GRM5: variants seen among roughly 807,000 people sequenced by gnomAD.
GRM5 encodes the protein metabotropic glutamate receptor 5.
A neutral mutation model predicts 83.1 loss-of-function variants in GRM5; 19 were observed. That is an observed-to-expected ratio of 0.23 (90% CI 0.16 to 0.34). The LOEUF is 0.34. Ranked by LOEUF, GRM5 falls within the 10% of genes least tolerant of loss-of-function variation. The probability of loss-of-function intolerance (pLI) is 1.00; values close to 1 mark genes in which losing one functional copy is unlikely to be tolerated. For synonymous variants in GRM5, 675 were observed against 633.6 expected (o/e 1.07, Z -0.98); for missense variants, 1,160 against 1,588.3 (o/e 0.73, Z 4.58).
chr11:88,824,809 G>T (rs1003014838), intron 3 of GRM5, among the ~76,000 whole-genome samples: 4 of 152,006 alleles, frequency 2.6e-5, no homozygotes, highest in African/African-American at 9.7e-5. Context: ...TAATTTACCA[G>T]TACCTACATA....
chr11:88,647,948 A>T (rs1939509630), intron 4 of GRM5, among the ~76,000 whole-genome samples: 1 of 150,144 alleles, frequency 6.7e-6, no homozygotes, highest in Non-Finnish European at 1.5e-5. Context: ...TCAAAACCAC[A>T]ATGAGATGCC....
intron 3 of GRM5, among the ~76,000 whole-genome samples, chr11:88,808,609 T>C (rs1943537999): frequency 2.6e-5 from 4 of 152,042 alleles, no homozygotes; most frequent in Admixed American, 2.6e-4. Context: ...AGCCACATTG[T>C]AACATAGTGA....
At position 88,850,154 on chromosome 11, in the gene GRM5, G is replaced by A. The variant is rs375598802; in HGVS notation, c.663C>T (p.Gly221=). 2 of 1,252,440 alleles carry A rather than the reference G, an allele frequency of 1.6e-6. No individual in the cohort carries two copies. Among genetic ancestry groups the A allele is most frequent in the East Asian group, 2.3e-5 (1 of 43,124 alleles). The allele number at this position is 1,252,440 out of a possible 1,614,324, so 77.6% of individuals were successfully genotyped here. A position where few individuals can be genotyped will look rare whatever the true frequency, so the allele number is the denominator to read the frequency against. ...CTTCCATCCCACTTTCTCCATAGTTGCCTGTGTGAAAACATAGATAAGCAG... is the reference window on the plus strand; with the variant it reads ...CTTCCATCCCACTTTCTCCATAGTTACCTGTGTGAAAACATAGATAAGCAG... ...WTYVSAVHTE[G]NYGESGMEAF... is the part of the protein sequence containing the mutation. Residue 221 remains glycine, a splice_region_variant and synonymous_variant, in exon 3 of 10, where the codon GGC becomes GGT. Coordinates refer to ENST00000305447, the MANE Select transcript of GRM5 (RefSeq NM_001143831.3).
intron 8 of GRM5, among the ~76,000 whole-genome samples, chr11:88,550,534 C>T (rs1942482364): frequency 6.6e-6 from 1 of 152,132 alleles, no homozygotes; most frequent in Non-Finnish European, 1.5e-5. Flanking sequence ...CTTAAATGTG[C>T]TTCTTGTGTA....
At chr11:88,811,345 T>C (rs1200467449) in intron 3 of GRM5, among the ~76,000 whole-genome samples, 3 of 152,186 alleles carry the variant, frequency 2.0e-5, no homozygotes, top group Middle Eastern at 6.8e-3. Context: ...ATCTAAAATA[T>C]AAGGAAACAA....
At chr11:88,510,620 G>GA (rs1941339930) in intron 9 of GRM5, among the ~76,000 whole-genome samples, 1 of 152,158 alleles carries the variant, frequency 6.6e-6, no homozygotes, top group Non-Finnish European at 1.5e-5. Flanking sequence ...GGATTCAAGC[G>GA]AATCTCCTGC....
At chr11:88,568,997 A>C (rs528651489) in intron 7 of GRM5, among the ~76,000 whole-genome samples, 1 of 152,346 alleles carries the variant, frequency 6.6e-6, no homozygotes, top group Admixed American at 6.5e-5. Context: ...TAGTGACAGA[A>C]TATAGCATCA....
intron 8 of GRM5, among the ~76,000 whole-genome samples, chr11:88,555,714 A>G (rs1201988619): frequency 6.6e-6 from 1 of 152,190 alleles, no homozygotes; most frequent in African/African-American, 2.4e-5. Flanking sequence ...GGCTAGGCAC[A>G]AAGCTTATGC....
At chr11:88,887,858 C>A (rs1399287110) in intron 2 of GRM5, among the ~76,000 whole-genome samples, 3 of 152,094 alleles carry the variant, frequency 2.0e-5, no homozygotes, top group South Asian at 4.1e-4. Context: ...TAGATCCTTG[C>A]AAGCACTGCA....
intron 8 of GRM5, among the ~76,000 whole-genome samples, chr11:88,534,972 T>C (rs954423348): frequency 6.6e-6 from 1 of 152,176 alleles, no homozygotes; most frequent in African/African-American, 2.4e-5. Flanking sequence ...GCCATCCTTG[T>C]AAGATGGGAC....
chr11:88,727,689 C>G (rs886104412), intron 3 of GRM5, among the ~76,000 whole-genome samples: 1 of 152,230 alleles, frequency 6.6e-6, no homozygotes, highest in Non-Finnish European at 1.5e-5. Flanking sequence ...CAAACAGTCT[C>G]TCAGACCACA....
At chr11:88,734,491 AC>A (rs1403706271) in intron 3 of GRM5, among the ~76,000 whole-genome samples, 1 of 151,936 alleles carries the variant, frequency 6.6e-6, no homozygotes. Context: ...AAAGAGACCC[AC>A]CCTCCCATGT....
chr11:88,682,560 AT>A (rs67179003), intron 3 of GRM5, among the ~76,000 whole-genome samples: 2,819 of 147,438 alleles, frequency 0.019, 66 homozygotes, highest in East Asian at 0.098. Flanking sequence ...CAACTGAAAC[AT>A]TTTTTTTTTT....
At chr11:88,972,279 A>G (rs572807254) in intron 2 of GRM5, among the ~76,000 whole-genome samples, 1 of 152,226 alleles carries the variant, frequency 6.6e-6, no homozygotes, top group South Asian at 2.1e-4. Context: ...CCACACAGAA[A>G]CATTTCAAGT....
intron 2 of GRM5, among the ~76,000 whole-genome samples, chr11:89,032,854 C>A (rs1486600857): frequency 1.3e-5 from 2 of 152,042 alleles, no homozygotes; most frequent in Admixed American, 1.3e-4. Flanking sequence ...TCTGTCCCTT[C>A]CAGATCTGAA....
intron 1 of GRM5, among the ~76,000 whole-genome samples, chr11:89,049,281 C>A (rs903140256): frequency 6.6e-6 from 1 of 152,090 alleles, no homozygotes; most frequent in Non-Finnish European, 1.5e-5. Context: ...AATTTAAATT[C>A]CTGGGAAGAA....
intron 2 of GRM5, among the ~76,000 whole-genome samples, chr11:88,915,412 T>G (rs2135618360): frequency 6.6e-6 from 1 of 152,214 alleles, no homozygotes; most frequent in Non-Finnish European, 1.5e-5. Context: ...CATATTAGAA[T>G]AAATTAGTGG....
At chr11:88,612,926 G>T (rs1295609927) in intron 4 of GRM5, 1 of 152,150 alleles carries the variant, frequency 6.6e-6, no homozygotes, top group Non-Finnish European at 1.5e-5. Context: ...AGAATTTTTT[G>T]ATTTCTGCTT....
chr11:89,047,810 C>T lies in GRM5; in HGVS notation c.63G>A (p.Gln21=). The T allele has an allele frequency of 6.2e-7, 1 of 1,613,894 alleles. No individual in the cohort carries two copies. The highest frequency in any genetic ancestry group is 8.5e-7 in the Non-Finnish European group (1 of 1,179,782). The part of the protein sequence containing the change: ...LLKEDVRGSA[Q]SSERRVVAHM... ...GAGCCACCACCCTCCTCTCACTGGACTGTGCACTCCCACGGACATCTTCTT... is the reference window on the plus strand; with the variant it reads ...GAGCCACCACCCTCCTCTCACTGGATTGTGCACTCCCACGGACATCTTCTT... The change falls in exon 2 of 10, where the codon CAG becomes CAA. Residue 21 remains glutamine, a synonymous_variant. Coordinates refer to ENST00000305447, the MANE Select transcript of GRM5 (RefSeq NM_001143831.3). The surrounding 1 kb of genome is among the most constrained non-coding windows in gnomAD (Gnocchi z 5.1).
Sources: allele counts gnomAD v4.1 joint callset (sites outside exome capture counted in the v4.1 genomes callset), GRCh38; gene constraint gnomAD v4.1.1; non-coding constraint Gnocchi (gnomAD v3.1); transcripts MANE v1.5; gene names NCBI Gene and HGNC (gene_info 2026-07-23, HGNC 2026-07-21).